KAT6A: variants seen among roughly 807,000 people sequenced by gnomAD.
KAT6A encodes the protein lysine acetyltransferase 6A.
KAT6A carries 9 observed loss-of-function variants against 198.4 expected under a neutral mutation model. The observed-to-expected ratio is 0.05, with a 90% CI of 0.03 to 0.08. The LOEUF is 0.08. Among genes scored for constraint, KAT6A ranks in the 10% least tolerant of loss-of-function variants. The probability of loss-of-function intolerance (pLI) is 1.00; values close to 1 mark genes in which losing one functional copy is unlikely to be tolerated. For synonymous variants in KAT6A, 890 were observed against 883.0 expected (o/e 1.01, Z -0.14); for missense variants, 2,077 against 2,509.9 (o/e 0.83, Z 3.69).
intron 2 of KAT6A, among the ~76,000 whole-genome samples, chr8:42,018,721 G>A (rs1298350617): frequency 1.3e-5 from 2 of 152,122 alleles, no homozygotes; most frequent in South Asian, 2.1e-4. Flanking sequence ...TCAGAAGTTC[G>A]AGACCCGCCT....
intron 2 of KAT6A, among the ~76,000 whole-genome samples, chr8:42,014,461 C>G (rs1826170428): frequency 6.6e-6 from 1 of 152,132 alleles, no homozygotes. Context: ...TTAAATGAAC[C>G]ACATTTTTGG....
At chr8:41,963,097 C>T (rs1419262860) in intron 8 of KAT6A, among the ~76,000 whole-genome samples, 1 of 152,162 alleles carries the variant, frequency 6.6e-6, no homozygotes, top group Non-Finnish European at 1.5e-5. Context: ...CATTCCAACC[C>T]AAACTAAACT....
At chr8:42,006,600 G>A (rs755115390) in intron 2 of KAT6A, among the ~76,000 whole-genome samples, 4 of 152,110 alleles carry the variant, frequency 2.6e-5, no homozygotes, top group Non-Finnish European at 4.4e-5. Flanking sequence ...TCATGTGGAC[G>A]CCCAAAGAGT....
Position 41,930,589 on chromosome 8 carries a change from T to A in KAT6A, c.*1616A>T, listed in dbSNP as rs1821479287. 4 of 185,408 alleles carry A rather than the reference T, an allele frequency of 2.2e-5. No individual in the cohort carries two copies. The highest frequency in any genetic ancestry group is 4.5e-5 in the Non-Finnish European group (4 of 88,038). 11.5% of individuals were successfully genotyped at this position (185,408 alleles called of 1,614,324 possible). On this transcript the variant is annotated 3_prime_UTR_variant, in exon 17 of 17. Coordinates refer to ENST00000265713, the MANE Select transcript of KAT6A (RefSeq NM_006766.5). The stretch of plus-strand genomic sequence containing the variant: ...AATTTAATGCTTACAGATATTTCTC[T>A]AAGCAGTACTTCCCCCTTTTGGATA...
intron 2 of KAT6A, chr8:42,043,526 C>T (rs558928082): frequency 1.9e-4 from 29 of 152,192 alleles, no homozygotes; most frequent in African/African-American, 7.0e-4. Flanking sequence ...ATATACAAAA[C>T]TAGATTACTC....
At position 41,949,344 on chromosome 8, in the gene KAT6A, A is replaced by G; in HGVS notation, c.1618T>C (p.Cys540Arg). The G allele has an allele frequency of 6.5e-7, 1 of 1,549,802 alleles. No homozygotes were observed. The highest frequency in any genetic ancestry group is 8.7e-7 in the Non-Finnish European group (1 of 1,153,530). Residue 540 changes from cysteine to arginine, a missense_variant, in exon 10 of 17, where the codon TGT (cysteine) becomes CGT (arginine). Cys to Arg is a radical substitution (Grantham distance 180). Around this residue, in one of 13 missense-constraint regions of KAT6A, gnomAD observed 46 missense variants for 88.2 expected, o/e 0.52. Transcript: ENST00000265713. ...EYSRLPKLYL[C>R]EFCLKYMKSR... ...TTCATATATTTTAGACAAAATTCACAAAGATACAATTTGGGCAGCCTGTAA... is the reference window on the plus strand; with the variant it reads ...TTCATATATTTTAGACAAAATTCACGAAGATACAATTTGGGCAGCCTGTAA...
At chr8:41,956,579 C>T (rs1176420715) in intron 8 of KAT6A, among the ~76,000 whole-genome samples, 1 of 152,122 alleles carries the variant, frequency 6.6e-6, no homozygotes, top group Non-Finnish European at 1.5e-5. Context: ...CATTAGAGAC[C>T]TTCTGGTCTT....
chr8:41,963,000 CATTA>C (rs1454839689), intron 8 of KAT6A, among the ~76,000 whole-genome samples: 1 of 152,098 alleles, frequency 6.6e-6, no homozygotes, highest in Non-Finnish European at 1.5e-5. Flanking sequence ...ATACTGCATA[CATTA>C]ATCCTCTCCC....
intron 3 of KAT6A, among the ~76,000 whole-genome samples, chr8:41,985,331 A>G (rs2150892082): frequency 6.6e-6 from 1 of 152,306 alleles, no homozygotes; most frequent in South Asian, 2.1e-4. Flanking sequence ...AGCACTCAAG[A>G]TCTGTTCTCA....
chr8:41,953,901 G>A (rs540861073), intron 9 of KAT6A, among the ~76,000 whole-genome samples: 8 of 152,092 alleles, frequency 5.3e-5, no homozygotes, highest in Non-Finnish European at 1.0e-4. Context: ...ATACATACAT[G>A]TATAATATAT....
chr8:41,934,574 C>G lies in KAT6A; in HGVS notation c.3646G>C (p.Asp1216His). 1 of 1,614,070 alleles carries G rather than the reference C, an allele frequency of 6.2e-7. No homozygotes were observed. Among genetic ancestry groups the G allele is most frequent in the South Asian group, 1.1e-5 (1 of 91,068 alleles). The change falls in exon 17 of 17, where the codon GAC becomes CAC. Residue 1216 changes from aspartate to histidine, a missense_variant. Physicochemically the swap from Asp to His is moderately conservative, Grantham distance 81. This residue lies in a region of KAT6A where 375 missense variants were observed against 383.0 expected (regional missense o/e 0.98). Transcript: ENST00000265713. ...ESEETVEPKE[D>H]MPLPEERKEE... is the part of the protein sequence containing the mutation. ...TTCCTCTCCTCGGGTAGGGGCATGT[C>G]TTCTTTTGGCTCAACAGTTTCTTCA...
At chr8:41,971,726 A>G (rs1288887221) in intron 8 of KAT6A, among the ~76,000 whole-genome samples, 5 of 152,128 alleles carry the variant, frequency 3.3e-5, no homozygotes, top group Non-Finnish European at 5.9e-5. Context: ...CTGTATGAAG[A>G]AAATAGACTA....
chr8:41,996,497 A>C (rs1825210375), intron 2 of KAT6A, among the ~76,000 whole-genome samples: 1 of 152,248 alleles, frequency 6.6e-6, no homozygotes. Context: ...ACATCTATAA[A>C]GTATCTATGG....
intron 2 of KAT6A, among the ~76,000 whole-genome samples, chr8:42,002,808 C>T (rs969068371): frequency 6.6e-6 from 1 of 152,126 alleles, no homozygotes; most frequent in African/African-American, 2.4e-5. Context: ...TGCAATATTG[C>T]AGTCAAACAG....
intron 9 of KAT6A, among the ~76,000 whole-genome samples, chr8:41,953,956 G>A (rs959010667): frequency 2.6e-5 from 4 of 152,110 alleles, no homozygotes; most frequent in Admixed American, 1.3e-4. Flanking sequence ...TTATCTTAAA[G>A]TCACATTAAT....
intron 3 of KAT6A, 79 bp from the exon 4 acceptor site, chr8:41,982,033 A>G: frequency 1.3e-6 from 1 of 797,522 alleles, no homozygotes; most frequent in Non-Finnish European, 2.2e-6. Flanking sequence ...ATGATGTAGA[A>G]AAAGGCAATC....
chr8:41,989,169 G>A (rs7008906), intron 2 of KAT6A, among the ~76,000 whole-genome samples: 44,075 of 151,990 alleles, frequency 0.29, 6,531 homozygotes, highest in Middle Eastern at 0.45. Context: ...ACACAATCAG[G>A]TTTGGGAAGG....
chr8:41,999,029 A>G (rs1430855719), intron 2 of KAT6A, among the ~76,000 whole-genome samples: 1 of 152,164 alleles, frequency 6.6e-6, no homozygotes, highest in African/African-American at 2.4e-5. Context: ...CTACAATTAG[A>G]CATCAATAAG....
At chr8:41,944,105 A>G (rs898311613) in intron 12 of KAT6A, 126 bp from the exon 13 acceptor site, 5 of 629,626 alleles carry the variant, frequency 7.9e-6, no homozygotes, top group Non-Finnish European at 1.4e-5. Flanking sequence ...TTCCAAAAAA[A>G]AAAAGAGAGA....
Sources: allele counts gnomAD v4.1 joint callset (sites outside exome capture counted in the v4.1 genomes callset), GRCh38; gene constraint gnomAD v4.1.1; regional missense constraint gnomAD v4.1.1; transcripts MANE v1.5; gene names NCBI Gene and HGNC (gene_info 2026-07-23, HGNC 2026-07-21).